Variants in HELQ observed in about 807,000 individuals in gnomAD.
HELQ encodes helicase POLQ-like.
HELQ carries 77 observed loss-of-function variants against 111.6 expected under a neutral mutation model. That is an observed-to-expected ratio of 0.69 (90% CI 0.57 to 0.83). HELQ has a LOEUF of 0.83. Ranked by LOEUF, HELQ falls within the 40% of genes least tolerant of loss-of-function variation. HELQ has a pLI of 0.00. For missense variants in HELQ, 1,200 were observed against 1,288.5 expected (o/e 0.93, Z 1.05); for synonymous variants, 438 against 454.7 (o/e 0.96, Z 0.47).
chr4:83,411,478 C>T (rs1739092835), intron 17 of HELQ, among the ~76,000 whole-genome samples: 1 of 151,130 alleles, frequency 6.6e-6, no homozygotes, highest in South Asian at 2.1e-4. Flanking sequence ...GTGGTGCCCG[C>T]CTGTGGTCGC....
At position 83,453,233 on chromosome 4, in the gene HELQ, T is replaced by A. The variant is rs898244549; in HGVS notation, c.1010A>T (p.Tyr337Phe). 1.3e-6 allele frequency: 2 copies of A among 1,590,858 alleles called. No homozygotes were observed. The highest frequency in any genetic ancestry group is 1.7e-6 in the Non-Finnish European group (2 of 1,169,088). ...YAQFKGIEKL[Y>F]EWQHTCLTLN... The stretch of plus-strand genomic sequence containing the variant: ...TTTATTCCAGCAAAAAGCATTACCA[T>A]ATAATTTTTCAATTCCCTTGAATTG... The change falls in exon 2 of 18, where the codon TAT becomes TTT. Residue 337 changes from tyrosine (Y) to phenylalanine (F), a missense_variant and splice_region_variant. Physicochemically the swap from Tyr to Phe is conservative, Grantham distance 22. This residue lies in a region of HELQ where 610 missense variants were observed against 607.1 expected (regional missense o/e 1.00). Transcript: ENST00000295488.
At chr4:83,438,284 G>A (rs373711381) in intron 8 of HELQ, among the ~76,000 whole-genome samples, 2 of 152,114 alleles carry the variant, frequency 1.3e-5, no homozygotes, top group South Asian at 2.1e-4. Flanking sequence ...GGACAAACAG[G>A]TGTATAAAAA....
intron 2 of HELQ, among the ~76,000 whole-genome samples, chr4:83,450,623 CATG>C (rs1721309689): frequency 6.8e-6 from 1 of 146,052 alleles, no homozygotes; most frequent in African/African-American, 2.5e-5. Flanking sequence ...TTAAGCATAA[CATG>C]ACAAAATAAC....
chr4:83,411,422 C>A (rs1324714938), intron 17 of HELQ, among the ~76,000 whole-genome samples: 3 of 150,626 alleles, frequency 2.0e-5, no homozygotes, highest in Non-Finnish European at 3.0e-5. Flanking sequence ...CCAGCCTGGG[C>A]AGCATGGTGA....
intron 16 of HELQ, among the ~76,000 whole-genome samples, chr4:83,417,474 A>G (rs1475042765): frequency 6.6e-6 from 1 of 152,102 alleles, no homozygotes; most frequent in African/African-American, 2.4e-5. Context: ...AAGTGCTGTG[A>G]TTGCAGCATG....
At chr4:83,420,704 G>A (rs113663554) in intron 15 of HELQ, among the ~76,000 whole-genome samples, 20,453 of 152,016 alleles carry the variant, frequency 0.13, 1,903 homozygotes, top group African/African-American at 0.26. Context: ...AGAATTGCAT[G>A]AACTCGGGAG....
intron 17 of HELQ, 87 bp from the exon 18 acceptor site, chr4:83,407,647 A>G: frequency 1.3e-6 from 1 of 741,056 alleles, no homozygotes; most frequent in Non-Finnish European, 2.3e-6. Context: ...GAACACCTGA[A>G]TCCTTACACA....
chr4:83,421,195 C>T (rs1298742979), intron 15 of HELQ, among the ~76,000 whole-genome samples: 1 of 152,114 alleles, frequency 6.6e-6, no homozygotes, highest in Non-Finnish European at 1.5e-5. Flanking sequence ...TAACCAAACA[C>T]CTGACATTTT....
At chr4:83,420,097 C>T (rs946209562) in intron 15 of HELQ, among the ~76,000 whole-genome samples, 2 of 151,998 alleles carry the variant, frequency 1.3e-5, no homozygotes, top group African/African-American at 4.8e-5. Context: ...CTAAATGCAG[C>T]AAAAATGGCT....
chr4:83,426,508 T>C (rs1009187942), intron 13 of HELQ, among the ~76,000 whole-genome samples: 1 of 151,652 alleles, frequency 6.6e-6, no homozygotes, highest in Non-Finnish European at 1.5e-5. Flanking sequence ...AAAAGAAAGC[T>C]AATTTCCTGT....
chr4:83,439,613 G>A (rs750241132), intron 8 of HELQ, among the ~76,000 whole-genome samples: 10 of 151,860 alleles, frequency 6.6e-5, no homozygotes, highest in South Asian at 4.2e-4. Context: ...CACCCACCTC[G>A]GCCTCCCAAA....
intron 5 of HELQ, among the ~76,000 whole-genome samples, chr4:83,444,479 C>T (rs185839762): frequency 8.8e-6 from 1 of 114,254 alleles, no homozygotes; most frequent in East Asian, 2.5e-4. Flanking sequence ...CTCCTGGGTT[C>T]AAGCAGTTCT....
chr4:83,428,988 T>C (rs989542209), intron 12 of HELQ, among the ~76,000 whole-genome samples: 1 of 152,056 alleles, frequency 6.6e-6, no homozygotes, highest in African/African-American at 2.4e-5. Context: ...GAGGGAAGCA[T>C]GAAGGAGGGA....
chr4:83,439,227 C>A (rs987152099), intron 8 of HELQ, among the ~76,000 whole-genome samples: 1 of 151,940 alleles, frequency 6.6e-6, no homozygotes, highest in Non-Finnish European at 1.5e-5. Context: ...GCCACCACAC[C>A]CAGCTAATTT....
intron 8 of HELQ, 60 bp from the exon 9 acceptor site, chr4:83,437,157 C>G (rs1417009390): frequency 2.7e-6 from 4 of 1,504,536 alleles, no homozygotes; most frequent in Non-Finnish European, 3.6e-6. Flanking sequence ...AAATTTCTAC[C>G]ATTTTCATTT....
chr4:83,436,143 A>G (rs1349106224), intron 9 of HELQ, among the ~76,000 whole-genome samples: 1 of 152,198 alleles, frequency 6.6e-6, no homozygotes, highest in Non-Finnish European at 1.5e-5. Flanking sequence ...AGATGCAAAA[A>G]GGAGAAACTG....
Position 83,448,889 on chromosome 4 carries a change from C to G in HELQ, c.1085G>C (p.Ser362Thr). 6.2e-7 allele frequency: 1 copy of G among 1,613,190 alleles called. No individual in the cohort carries two copies. The highest frequency in any genetic ancestry group is 8.5e-7 in the Non-Finnish European group (1 of 1,179,340). Residue 362 changes from serine (S) to threonine (T), a missense_variant, in exon 3 of 18, where the codon AGT (serine) becomes ACT (threonine). By Grantham distance (58) the Ser-to-Thr change is moderately conservative. This residue lies in a region of HELQ where 610 missense variants were observed against 607.1 expected (regional missense o/e 1.00). Transcript: ENST00000295488. ...RKNLIYSLPT[S>T]GGKTLVAEIL... is the part of the protein sequence containing the mutation. ...CTCAGCCACGAGGGTTTTTCCACCA[C>G]TTGTTGGCAAGGAATATATTAAATT... is the stretch of plus-strand genomic sequence containing the variant.
intron 9 of HELQ, among the ~76,000 whole-genome samples, chr4:83,435,686 G>C (rs574477411): frequency 1.3e-5 from 2 of 152,162 alleles, no homozygotes; most frequent in Admixed American, 1.3e-4. Context: ...GAAAGAAAAT[G>C]TTTAAATCTG....
rs1262870297 is a variant in HELQ, at chr4:83,455,733, G to C, written c.-40C>G. 2.5e-6 allele frequency: 4 copies of C among 1,570,596 alleles called. No homozygotes were observed. The highest frequency in any genetic ancestry group is 1.3e-5 in the African/African-American group (1 of 74,252). On this transcript the variant is annotated 5_prime_UTR_variant, in exon 1 of 18. The change creates a premature stop within an existing upstream ORF in the 5' untranslated region. Transcript: ENST00000295488. ...GCCCTATTCAGACGTCGTTCTCAGTGACCCAGACGCTAAGCCCATATGGAA... is the reference window on the plus strand; with the variant it reads ...GCCCTATTCAGACGTCGTTCTCAGTCACCCAGACGCTAAGCCCATATGGAA...
Sources: allele counts gnomAD v4.1 joint callset (sites outside exome capture counted in the v4.1 genomes callset), GRCh38; gene constraint gnomAD v4.1.1; regional missense constraint gnomAD v4.1.1; transcripts MANE v1.5; gene names NCBI Gene and HGNC (gene_info 2026-07-23, HGNC 2026-07-21).